PCDHA7: variants seen among roughly 807,000 people sequenced by gnomAD.
PCDHA7 encodes protocadherin alpha-7.
PCDHA7 carries 37 observed loss-of-function variants against 57.2 expected under a neutral mutation model. The ratio of observed to expected loss-of-function variants is 0.65; its 90% CI spans 0.50 to 0.85. The LOEUF is 0.85. PCDHA7 is among the 40% of genes least tolerant of loss of function. The pLI, the probability that PCDHA7 is intolerant of heterozygous loss-of-function variation, is 0.00. For missense variants in PCDHA7, 1,188 were observed against 1,241.8 expected (o/e 0.96, Z 0.65); for synonymous variants, 553 against 558.8 (o/e 0.99, Z 0.15).
intron 1 of PCDHA7, chr5:140,967,771 G>A (rs1554229926): frequency 1.2e-6 from 2 of 1,614,222 alleles, no homozygotes; most frequent in Non-Finnish European, 1.7e-6. Context: ...AGATCTATGT[G>A]CAGGCGACTG....
intron 1 of PCDHA7, among the ~76,000 whole-genome samples, chr5:140,938,910 C>T (rs1467187970): frequency 6.6e-6 from 1 of 152,012 alleles, no homozygotes; most frequent in African/African-American, 2.4e-5. Context: ...CACACACACA[C>T]GCACAAGAAA....
chr5:140,852,099 AT>A, intron 1 of PCDHA7: 1 of 909,604 alleles, frequency 1.1e-6, no homozygotes, highest in Non-Finnish European at 1.3e-6. Flanking sequence ...TGTGTCAGAT[AT>A]TTTACAAGGT....
chr5:140,858,677 T>C (rs1480959792), intron 1 of PCDHA7: 2 of 629,026 alleles, frequency 3.2e-6, no homozygotes, highest in South Asian at 4.5e-5. Flanking sequence ...TTATTCTGAA[T>C]ACACTAATAT....
chr5:140,984,658 A>G (rs1421972508), intron 3 of PCDHA7, among the ~76,000 whole-genome samples: 1 of 152,146 alleles, frequency 6.6e-6, no homozygotes, highest in Non-Finnish European at 1.5e-5. Flanking sequence ...TCCTTCTGGT[A>G]CTTTTAGGTT....
chr5:140,891,893 CAAG>C (rs2063302978), intron 1 of PCDHA7, among the ~76,000 whole-genome samples: 1 of 152,210 alleles, frequency 6.6e-6, no homozygotes, highest in Non-Finnish European at 1.5e-5. Flanking sequence ...GACGATGCAG[CAAG>C]AAGATCTTCA....
At chr5:140,891,371 T>C (rs1483919316) in intron 1 of PCDHA7, among the ~76,000 whole-genome samples, 1 of 152,146 alleles carries the variant, frequency 6.6e-6, no homozygotes, top group Non-Finnish European at 1.5e-5. Flanking sequence ...CAGTATACAT[T>C]GCACCATATT....
At chr5:140,994,733 C>G (rs2097647887) in intron 3 of PCDHA7, among the ~76,000 whole-genome samples, 1 of 152,034 alleles carries the variant, frequency 6.6e-6, no homozygotes, top group Non-Finnish European at 1.5e-5. Context: ...CTGGGTATTG[C>G]AGGATGGCAA....
intron 1 of PCDHA7, chr5:140,862,793 A>G: frequency 1.7e-6 from 1 of 576,706 alleles, no homozygotes; most frequent in Non-Finnish European, 3.3e-6. Flanking sequence ...GACTACGAGG[A>G]GCTGGAGCTG....
chr5:140,886,884 A>C (rs903199967), intron 1 of PCDHA7, among the ~76,000 whole-genome samples: 9 of 151,846 alleles, frequency 5.9e-5, no homozygotes, highest in African/African-American at 1.9e-4. Flanking sequence ...AACATTCATT[A>C]ATTAAATGCA....
chr5:140,899,664 G>T (rs1263525075), intron 1 of PCDHA7, among the ~76,000 whole-genome samples: 17 of 152,124 alleles, frequency 1.1e-4, no homozygotes, highest in Admixed American at 1.0e-3. Flanking sequence ...GTCTCTGCCC[G>T]GCTTTGGTAT....
chr5:140,948,558 G>A (rs2094272533), intron 1 of PCDHA7, among the ~76,000 whole-genome samples: 2 of 151,514 alleles, frequency 1.3e-5, no homozygotes, highest in Admixed American at 1.3e-4. Flanking sequence ...ATTTTGTTAA[G>A]TTGTATTTTT....
At chr5:140,941,217 T>TCCTTTCTTTCTTTCTTTCTTTCTG (rs2092892388) in intron 1 of PCDHA7, among the ~76,000 whole-genome samples, 1 of 126,078 alleles carries the variant, frequency 7.9e-6, no homozygotes, top group Non-Finnish European at 1.7e-5. Context: ...CTTTCTTCCT[T>TCCTTTCTTTCTTTCTTTCTTTCTG]TCTTTCTTTC....
chr5:140,862,711 G>T, intron 1 of PCDHA7: 2 of 561,474 alleles, frequency 3.6e-6, no homozygotes, highest in Admixed American at 3.8e-5. Flanking sequence ...ACAGCGGGTG[G>T]GCGAGTGCGC....
rs185620917 is a variant in PCDHA7 at position 140,854,335 on chromosome 5, G to A, written c.2355+17597G>A. The A allele has an allele frequency of 1.5e-4, 29 of 191,248 alleles. 1 individual carries two copies. Among genetic ancestry groups the A allele is most frequent in the Non-Finnish European group, 2.6e-4 (27 of 105,250 alleles). The allele number at this position is 191,248 out of a possible 1,614,324, so 11.8% of individuals were successfully genotyped here. ...TTGATCAATGGCAAACTTATTTTACGCTCCAGATAGCTAAAACAAACGTTG... is the reference window on the plus strand; with the variant it reads ...TTGATCAATGGCAAACTTATTTTACACTCCAGATAGCTAAAACAAACGTTG... On this transcript the variant is annotated intron_variant, in intron 1 of 3. Coordinates refer to ENST00000525929, the MANE Select transcript of PCDHA7 (RefSeq NM_018910.3).
intron 1 of PCDHA7, among the ~76,000 whole-genome samples, chr5:140,890,661 A>G (rs1384784805): frequency 6.6e-6 from 1 of 152,198 alleles, no homozygotes; most frequent in Non-Finnish European, 1.5e-5. Flanking sequence ...TCAAAAGTTA[A>G]CTGAAACCCT....
intron 1 of PCDHA7, chr5:140,849,861 G>A (rs2150454483): frequency 1.9e-6 from 3 of 1,598,586 alleles, no homozygotes; most frequent in Admixed American, 3.4e-5. Context: ...ACCAGCGTTC[G>A]CGCAGTCCGA....
intron 1 of PCDHA7, chr5:140,930,181 T>C (rs1170637205): frequency 2.0e-5 from 3 of 152,216 alleles, no homozygotes; most frequent in African/African-American, 7.2e-5. Flanking sequence ...AGAGGAAAGA[T>C]GAGTAATTTT....
chr5:140,870,179 G>A, intron 1 of PCDHA7: 1 of 1,614,104 alleles, frequency 6.2e-7, no homozygotes, highest in South Asian at 1.1e-5. Context: ...CTCCCAGTAC[G>A]AGAGGACGCT....
chr5:140,876,486 G>A, intron 1 of PCDHA7: 1 of 1,614,014 alleles, frequency 6.2e-7, no homozygotes, highest in Non-Finnish European at 8.5e-7. Context: ...TGGTCCTGGT[G>A]GAAGTTCTGG....
Sources: gnomAD v4.1 joint callset for allele counts (sites outside exome capture counted in the v4.1 genomes callset) on GRCh38, gnomAD v4.1.1 for gene constraint, MANE v1.5 for transcripts, NCBI Gene and HGNC (gene_info 2026-07-23, HGNC 2026-07-21) for gene names.